Variants in ZDHHC2 observed in about 807,000 individuals in gnomAD.
ZDHHC2 encodes zDHHC palmitoyltransferase 2.
In ZDHHC2, 51 loss-of-function variants were observed where a neutral mutation model predicts 55.6. That is an observed-to-expected ratio of 0.92 (90% confidence interval 0.73 to 1.16). The LOEUF is 1.16. Among genes scored for constraint, ZDHHC2 ranks in the 50% most tolerant of loss-of-function variants. ZDHHC2 has a pLI of 0.00. For synonymous variants in ZDHHC2, 199 were observed against 152.9 expected, an observed-to-expected ratio of 1.30 and a Z score of -2.22; for missense variants, 491 against 442.4, an observed-to-expected ratio of 1.11 and a Z score of -0.99.
At chr8:17,171,130 G>GTT (rs1264366802) in intron 1 of ZDHHC2, among the ~76,000 whole-genome samples, 1 of 152,136 alleles carries the variant, frequency 6.6e-6, no homozygotes, top group Non-Finnish European at 1.5e-5. Context: ...AGGGAATCTG[G>GTT]AATTGGAAAG....
At chr8:17,180,058 A>G (rs190091324) in intron 1 of ZDHHC2, among the ~76,000 whole-genome samples, 3 of 152,350 alleles carry the variant, frequency 2.0e-5, no homozygotes, top group African/African-American at 7.2e-5. Context: ...CATCCACCAG[A>G]TGTAGGATTG....
intron 1 of ZDHHC2, among the ~76,000 whole-genome samples, chr8:17,166,836 A>G (rs1052470370): frequency 6.6e-6 from 1 of 152,190 alleles, no homozygotes; most frequent in Non-Finnish European, 1.5e-5. Flanking sequence ...CAATGTGCAC[A>G]TTGAACCCTT....
At chr8:17,203,856 G>T (rs1806952036) in intron 6 of ZDHHC2, among the ~76,000 whole-genome samples, 1 of 143,502 alleles carries the variant, frequency 7.0e-6, no homozygotes, top group Non-Finnish European at 1.5e-5. Context: ...TTGCCAGGCT[G>T]GAGTGCAGTG....
At chr8:17,179,057 C>G (rs1805300227) in intron 1 of ZDHHC2, among the ~76,000 whole-genome samples, 1 of 152,188 alleles carries the variant, frequency 6.6e-6, no homozygotes, top group African/African-American at 2.4e-5. Context: ...CTCAAGTGAT[C>G]TTCCCACCTC....
chr8:17,170,450 C>T (rs1804805086), intron 1 of ZDHHC2, among the ~76,000 whole-genome samples: 1 of 152,144 alleles, frequency 6.6e-6, no homozygotes, highest in Admixed American at 6.6e-5. Context: ...GTTTCTTTCT[C>T]TGGAGAGTTG....
intron 7 of ZDHHC2, among the ~76,000 whole-genome samples, chr8:17,207,529 C>G (rs1177971367): frequency 6.6e-6 from 1 of 152,048 alleles, no homozygotes; most frequent in African/African-American, 2.4e-5. Context: ...GGATAGTAGC[C>G]AAATTGTGCC....
chr8:17,223,007 CACTT>C lies in ZDHHC2; in HGVS notation c.*2788_*2791del, dbSNP rs537206179. 1.6e-4 allele frequency: 25 copies of C among 151,892 alleles called. No homozygotes were observed. Among genetic ancestry groups the C allele is most frequent in the African/African-American group, 4.6e-4 (19 of 41,508 alleles). 9.4% of individuals were successfully genotyped at this position (151,892 alleles called of 1,614,324 possible). A position where few individuals can be genotyped will look rare whatever the true frequency, so the allele number is the denominator to read the frequency against. Reference sequence around the variant, plus strand: ...TGGAAATATGGCATATGTTGACAAACACTTAACTAGGGAAATCAAAGATATAAAT... The same window carrying C: ...TGGAAATATGGCATATGTTGACAAACAACTAGGGAAATCAAAGATATAAAT... On this transcript the variant is annotated 3_prime_UTR_variant, in exon 13 of 13. Transcript: ENST00000262096.
chr8:17,172,451 G>T (rs1804905916), intron 1 of ZDHHC2, among the ~76,000 whole-genome samples: 1 of 152,176 alleles, frequency 6.6e-6, no homozygotes, highest in Non-Finnish European at 1.5e-5. Flanking sequence ...GGAGTGGGCT[G>T]CAGTTTAGTG....
intron 3 of ZDHHC2, among the ~76,000 whole-genome samples, chr8:17,195,219 GTTTATAAGCATT>G (rs1806245166): frequency 2.0e-5 from 3 of 152,058 alleles, no homozygotes; most frequent in Non-Finnish European, 4.4e-5. Context: ...GAACTCTACG[GTTTATAAGCATT>G]TTTATGTACT....
chr8:17,176,000 T>C (rs1805107860), intron 1 of ZDHHC2, among the ~76,000 whole-genome samples: 1 of 152,172 alleles, frequency 6.6e-6, no homozygotes, highest in South Asian at 2.1e-4. Flanking sequence ...AGAAGTGGTC[T>C]TGGAGGACAG....
At chr8:17,162,363 C>G (rs1424234567) in intron 1 of ZDHHC2, among the ~76,000 whole-genome samples, 1 of 152,126 alleles carries the variant, frequency 6.6e-6, no homozygotes, top group African/African-American at 2.4e-5. Flanking sequence ...GGTCAAACCT[C>G]AGTTTAAACT....
Position 17,161,157 on chromosome 8 carries a change from A to T in ZDHHC2, c.130+4304A>T, listed in dbSNP as rs536553590. Among the ~76,000 whole-genome samples the T allele has an allele frequency of 1.4e-4, 22 of 152,336 alleles. 1 individual carries two copies. Among genetic ancestry groups the T allele is most frequent in the African/African-American group, 5.3e-4 (22 of 41,592 alleles). On this transcript the variant is annotated intron_variant, in intron 1 of 12. Coordinates refer to ENST00000262096, the MANE Select transcript of ZDHHC2 (RefSeq NM_016353.5). ...CCTACTTGGATTCTGTGAAGTTATG[A>T]CCTACCATTCATTGAAGGCCACTGC...
At chr8:17,199,599 T>TTC (rs1477881564) in intron 6 of ZDHHC2, among the ~76,000 whole-genome samples, 13,698 of 54,842 alleles carry the variant, frequency 0.25, 1,951 homozygotes, top group Admixed American at 0.34. Context: ...TTTCTTCTTC[T>TTC]TTATTCTTTC....
rs1806541117 is a variant in ZDHHC2, at chr8:17,199,509, T to TTCTTGTTCTTCG, written c.476+1100_476+1101insGTTCTTCGTCTT. ...CTTCTTCTTCTTCTTCTTCTTCTTC[T>TTCTTGTTCTTCG]TCTTCGTCTTCGTCTTCGTCTTCTG... On this transcript the variant is annotated intron_variant, in intron 6 of 12. Coordinates refer to ENST00000262096, the MANE Select transcript of ZDHHC2 (RefSeq NM_016353.5). Among the ~76,000 whole-genome samples, 68 of 121,204 alleles carry TTCTTGTTCTTCG rather than the reference T, an allele frequency of 5.6e-4. 2 individuals are homozygous for TTCTTGTTCTTCG. Among genetic ancestry groups the TTCTTGTTCTTCG allele is most frequent in the Admixed American group, 8.0e-4 (10 of 12,428 alleles). 79.5% of individuals were successfully genotyped at this position (121,204 alleles called of 152,430 possible).
Position 17,188,716 on chromosome 8 carries a change from AG to A in ZDHHC2, c.252+2292del, listed in dbSNP as rs1805859019. Among the ~76,000 whole-genome samples the A allele has an allele frequency of 5.9e-5, 9 of 152,292 alleles. No individual in the cohort carries two copies. The South Asian group carries it at 1.7e-3, about 28-fold the overall frequency. On this transcript the variant is annotated intron_variant, in intron 3 of 12. Transcript: ENST00000262096. ...GCCGCAGCTCTCAGATTAATATATTAGCCTGGTGCTTGCTAATAAACGCCTG... is the reference window on the plus strand; with the variant it reads ...GCCGCAGCTCTCAGATTAATATATTACCTGGTGCTTGCTAATAAACGCCTG...
At chr8:17,188,171 G>A (rs763114765) in intron 3 of ZDHHC2, among the ~76,000 whole-genome samples, 5 of 152,140 alleles carry the variant, frequency 3.3e-5, no homozygotes, top group Non-Finnish European at 5.9e-5. Flanking sequence ...ATGTTTGTCT[G>A]GTCATACTGG....
intron 10 of ZDHHC2, among the ~76,000 whole-genome samples, chr8:17,214,195 A>G (rs573189486): frequency 1.4e-4 from 21 of 152,306 alleles, no homozygotes; most frequent in African/African-American, 4.8e-4. Flanking sequence ...ATTTTTATGT[A>G]TACTTTTTCA....
chr8:17,184,207 CT>C (rs1314292622), intron 1 of ZDHHC2, among the ~76,000 whole-genome samples: 1 of 152,198 alleles, frequency 6.6e-6, no homozygotes, highest in Non-Finnish European at 1.5e-5. Flanking sequence ...TCTATAATAC[CT>C]GCTAGCTTGG....
chr8:17,164,595 A>AT lies in ZDHHC2; in HGVS notation c.130+7743dup, dbSNP rs1804513471. On this transcript the variant is annotated intron_variant, in intron 1 of 12. Transcript: ENST00000262096. The stretch of plus-strand genomic sequence containing the variant: ...TCATCAGCAAAATATACACTAAACA[A>AT]TAAAAAAAAAAAACCTTTTTCTCTA... Among the ~76,000 whole-genome samples, 3 of 151,780 alleles carry AT rather than the reference A, an allele frequency of 2.0e-5. No homozygotes were observed. The South Asian group carries it at 6.4e-4, about 32-fold the overall frequency.
Sources: gnomAD v4.1 joint callset for allele counts (sites outside exome capture counted in the v4.1 genomes callset) on GRCh38, gnomAD v4.1.1 for gene constraint, MANE v1.5 for transcripts, NCBI Gene and HGNC (gene_info 2026-07-23, HGNC 2026-07-21) for gene names.